The following BMP7 variants were observed in gnomAD, a reference collection of about 807,000 sequenced individuals.
BMP7 encodes the protein osteogenic protein 1.
Under a neutral mutation model 41.2 loss-of-function variants are expected in BMP7, and 12 were observed. The observed-to-expected ratio is 0.29, with a 90% confidence interval of 0.19 to 0.47. The LOEUF (loss-of-function observed/expected upper bound fraction) is 0.47, where lower values mean the gene tolerates loss of function less well. Among genes scored for constraint, BMP7 ranks in the 20% least tolerant of loss-of-function variants. The pLI is 0.99. For synonymous variants in BMP7, 248 were observed against 250.0 expected, an observed-to-expected ratio of 0.99 and a Z score of 0.07; for missense variants, 467 against 606.0, an observed-to-expected ratio of 0.77 and a Z score of 2.41.
intron 3 of BMP7, among the ~76,000 whole-genome samples, chr20:57,194,172 T>C (rs751409826): frequency 2.6e-5 from 4 of 152,212 alleles, no homozygotes; most frequent in Non-Finnish European, 4.4e-5. Context: ...CCTTCCATGC[T>C]TGTGGACATG....
intron 1 of BMP7, among the ~76,000 whole-genome samples, chr20:57,263,719 G>C (rs1161763520): frequency 6.6e-6 from 1 of 152,200 alleles, no homozygotes; most frequent in Non-Finnish European, 1.5e-5. Context: ...CAGGCTTCAG[G>C]AGGGCGACAG....
intron 1 of BMP7, among the ~76,000 whole-genome samples, chr20:57,232,991 A>G (rs1005849901): frequency 6.6e-6 from 1 of 152,182 alleles, no homozygotes; most frequent in African/African-American, 2.4e-5. Flanking sequence ...CCACAGTGTG[A>G]AATCTACACC....
chr20:57,216,492 TGTCTCCTGAGGGCGAGGGGG>T (rs1209451824), intron 2 of BMP7, among the ~76,000 whole-genome samples: 7 of 149,294 alleles, frequency 4.7e-5, no homozygotes, highest in African/African-American at 1.5e-4. Context: ...ACGAGGGCGC[TGTCTCCTGAGGGCGAGGGGG>T]CTGTCTCCTG....
Position 57,173,273 on chromosome 20 carries a change from T to G in BMP7, c.1073A>C (p.Tyr358Ser). ...AGGGAAGGCACACTCCCCCTCACAG[T>G]AGTAGGCGGCGTAGCCTTCAGGCGC... Reference protein sequence around the residue: ...IIAPEGYAAYYCEGECAFPLN... With the variant: ...IIAPEGYAAYSCEGECAFPLN... The change falls in exon 6 of 7, where the codon TAC (tyrosine) becomes TCC (serine). Residue 358 changes from tyrosine (Y) to serine (S), a missense_variant. Physicochemically the swap from Tyr to Ser is moderately radical, Grantham distance 144. This residue lies in a region of BMP7 where 60 missense variants were observed against 120.1 expected (regional missense o/e 0.50). Coordinates refer to ENST00000395863, the MANE Select transcript of BMP7 (RefSeq NM_001719.3). 6.2e-7 allele frequency: 1 copy of G among 1,614,040 alleles called. No homozygotes were observed. The highest frequency in any genetic ancestry group is 8.5e-7 in the Non-Finnish European group (1 of 1,179,994).
intron 1 of BMP7, among the ~76,000 whole-genome samples, chr20:57,253,453 T>C (rs1485458836): frequency 1.3e-5 from 2 of 152,236 alleles, no homozygotes; most frequent in African/African-American, 4.8e-5. Context: ...AGCTGCTTTA[T>C]ATCGGGCACC....
chr20:57,228,263 T>C lies in BMP7; in HGVS notation c.577A>G (p.Ser193Gly). 1 of 1,614,024 alleles carries C rather than the reference T, an allele frequency of 6.2e-7. No homozygotes were observed. ...ERFDNETFRI[S>G]VYQVLQEHLG... is the part of the protein sequence containing the mutation. ...TGCTCCTGGAGCACCTGATAAACGC[T>C]GATCCGGAACGTCTCATTGTCGAAG... Residue 193 changes from serine to glycine, a missense_variant, in exon 2 of 7, where the codon AGC becomes GGC. Around this residue, in one of 2 missense-constraint regions of BMP7, gnomAD observed 407 missense variants for 485.9 expected, o/e 0.84. Coordinates refer to ENST00000395863, the MANE Select transcript of BMP7 (RefSeq NM_001719.3). This position sits in a 1 kb window ranked among gnomAD's most constrained non-coding sequence, Gnocchi z 4.5.
intron 1 of BMP7, among the ~76,000 whole-genome samples, chr20:57,235,401 G>A (rs1185225862): frequency 1.3e-5 from 2 of 152,214 alleles, no homozygotes; most frequent in Non-Finnish European, 2.9e-5. Flanking sequence ...GGGTCAGAGG[G>A]TAGGCACGTT....
intron 2 of BMP7, among the ~76,000 whole-genome samples, chr20:57,217,627 C>G (rs1046896593): frequency 2.3e-4 from 35 of 152,320 alleles, no homozygotes; most frequent in Admixed American, 2.3e-3. Flanking sequence ...CATCAACTCC[C>G]TCCAAACGCT....
intron 3 of BMP7, among the ~76,000 whole-genome samples, chr20:57,196,871 G>C (rs570142203): frequency 1.3e-5 from 2 of 151,944 alleles, no homozygotes; most frequent in South Asian, 2.1e-4. Flanking sequence ...TATTCATCTT[G>C]ATATCAACAT....
intron 1 of BMP7, among the ~76,000 whole-genome samples, chr20:57,251,672 G>A (rs535191596): frequency 1.9e-4 from 29 of 152,328 alleles, no homozygotes; most frequent in African/African-American, 6.3e-4. Flanking sequence ...AGTGGCTCAC[G>A]CCTGTAATCC....
intron 4 of BMP7, among the ~76,000 whole-genome samples, chr20:57,183,336 C>A (rs1423929266): frequency 6.6e-6 from 1 of 152,028 alleles, no homozygotes; most frequent in Non-Finnish European, 1.5e-5. Context: ...AATAAAGATA[C>A]AGCAAACTCT....
intron 3 of BMP7, 34 bp from the exon 4 acceptor site, chr20:57,183,953 A>T (rs1400144818): frequency 6.2e-7 from 1 of 1,608,584 alleles, no homozygotes; most frequent in Non-Finnish European, 8.5e-7. Flanking sequence ...ACAGAAGAGT[A>T]GTTACAGGAG....
intron 1 of BMP7, among the ~76,000 whole-genome samples, chr20:57,255,799 C>CAAAAAAAAAAAAAAAAAAA (rs3067106): frequency 1.4e-4 from 7 of 48,620 alleles, no homozygotes; most frequent in African/African-American, 1.8e-4. Context: ...GACTCCATCT[C>CAAAAAAAAAAAAAAAAAAA]AAAAAAAAAA....
intron 1 of BMP7, among the ~76,000 whole-genome samples, chr20:57,254,021 T>A (rs2066124396): frequency 7.4e-6 from 1 of 134,540 alleles, no homozygotes; most frequent in African/African-American, 2.8e-5. Flanking sequence ...TCTTTCCTTT[T>A]TTTTTTTTTT....
chr20:57,204,090 C>A (rs1420342400), intron 2 of BMP7, among the ~76,000 whole-genome samples: 2 of 152,228 alleles, frequency 1.3e-5, no homozygotes, highest in African/African-American at 4.8e-5. Context: ...TGGAAACCAA[C>A]CAGGCTACCT....
intron 3 of BMP7, among the ~76,000 whole-genome samples, chr20:57,189,887 A>G (rs1202887149): frequency 6.6e-6 from 1 of 152,210 alleles, no homozygotes; most frequent in Non-Finnish European, 1.5e-5. Flanking sequence ...AGGGGTGCAC[A>G]GTGCTGTGTC....
chr20:57,263,141 AG>A (rs1252156138), intron 1 of BMP7, among the ~76,000 whole-genome samples: 1 of 152,170 alleles, frequency 6.6e-6, no homozygotes, highest in African/African-American at 2.4e-5. Flanking sequence ...TTAGGGACAG[AG>A]AGAGAAAGAA....
chr20:57,225,534 T>C (rs1416168834), intron 2 of BMP7, among the ~76,000 whole-genome samples: 1 of 151,970 alleles, frequency 6.6e-6, no homozygotes, highest in Admixed American at 6.5e-5. Flanking sequence ...ATCCCCATTT[T>C]ACAGAGGGAA....
At chr20:57,260,846 C>G (rs189626716) in intron 1 of BMP7, among the ~76,000 whole-genome samples, 11 of 152,292 alleles carry the variant, frequency 7.2e-5, no homozygotes, top group African/African-American at 2.4e-4. Context: ...TGCCAACAGC[C>G]CCCCCGCTAA....
Sources: allele counts gnomAD v4.1 joint callset (sites outside exome capture counted in the v4.1 genomes callset), GRCh38; gene constraint gnomAD v4.1.1; regional missense constraint gnomAD v4.1.1; non-coding constraint Gnocchi (gnomAD v3.1); transcripts MANE v1.5; gene names NCBI Gene and HGNC (gene_info 2026-07-23, HGNC 2026-07-21).